CIB1: variants seen among roughly 807,000 people sequenced by gnomAD.
The protein encoded by CIB1 is calcium and integrin-binding protein 1.
A neutral mutation model predicts 25.0 loss-of-function variants in CIB1; 19 were observed. That is an observed-to-expected ratio of 0.76 (90% CI 0.53 to 1.12). The LOEUF is 1.12. Among genes scored for constraint, CIB1 ranks in the 50% most tolerant of loss-of-function variants. CIB1 has a pLI of 0.00. For synonymous variants in CIB1, 104 were observed against 98.5 expected (o/e 1.06, Z -0.33); for missense variants, 236 against 242.6 (o/e 0.97, Z 0.18).
chr15:90,258,812 G>A, the CIB1 span: 6 of 1,614,202 alleles, frequency 3.7e-6, no homozygotes, highest in African/African-American at 8.0e-5. Context: ...ACTTCTCTGT[G>A]ATGCTATGAC....
chr15:90,251,591 A>G, the CIB1 span: 4 of 1,613,924 alleles, frequency 2.5e-6, no homozygotes, highest in Non-Finnish European at 3.4e-6. Flanking sequence ...CAAGTATGAG[A>G]GTGGTAAGCA....
chr15:90,250,440 T>C, the CIB1 span, among the ~76,000 whole-genome samples: 1 of 152,160 alleles, frequency 6.6e-6, no homozygotes, highest in Non-Finnish European at 1.5e-5. Context: ...TCCACCCCCA[T>C]GCACCTCCAC....
chr15:90,254,225 T>C, the CIB1 span, among the ~76,000 whole-genome samples: 1 of 144,506 alleles, frequency 6.9e-6, no homozygotes, highest in East Asian at 2.0e-4. Context: ...CTGGGCACAG[T>C]GGCTCACGCC....
At chr15:90,241,318 G>A in the CIB1 span, 240 of 1,614,156 alleles carry the variant, frequency 1.5e-4, no homozygotes, top group African/African-American at 2.8e-3. Context: ...GTCCTCTTCC[G>A]TTTGCACCGG....
At chr15:90,235,576 CT>C (rs886682381), upstream of CIB1, among the ~76,000 whole-genome samples, 29 of 150,446 alleles carry the variant, frequency 1.9e-4, 1 homozygote, top group African/African-American at 5.4e-4. Context: ...TCATTTTTCT[CT>C]TTTTTTTTGA....
At chr15:90,251,238 C>T in the CIB1 span, among the ~76,000 whole-genome samples, 6 of 149,300 alleles carry the variant, frequency 4.0e-5, no homozygotes, top group Admixed American at 1.4e-4. Context: ...CTCAGCCTCC[C>T]GAGTAGCTGG....
the CIB1 span, chr15:90,258,760 C>A: frequency 6.2e-7 from 1 of 1,614,150 alleles, no homozygotes; most frequent in East Asian, 2.2e-5. Context: ...ACTCTCCAAG[C>A]TTTACCACGG....
At chr15:90,236,404 T>C (rs1962637754), upstream of CIB1, among the ~76,000 whole-genome samples, 1 of 152,246 alleles carries the variant, frequency 6.6e-6, no homozygotes, top group South Asian at 2.1e-4. Flanking sequence ...GTGATCTAGA[T>C]CTCTCAGTCA....
chr15:90,234,449 G>C (rs1962589258), upstream of CIB1: 1 of 152,350 alleles, frequency 6.6e-6, no homozygotes, highest in Non-Finnish European at 1.5e-5. Context: ...GTTATCATCA[G>C]GCAATCGCTG....
chr15:90,234,233 T>G (rs1007440265), upstream of CIB1: 5 of 247,832 alleles, frequency 2.0e-5, no homozygotes, highest in East Asian at 7.3e-5. Flanking sequence ...CGTCATGACC[T>G]CGCTGTGGCC....
the CIB1 span, chr15:90,262,669 G>A: frequency 1.8e-5 from 27 of 1,478,618 alleles, no homozygotes; most frequent in Non-Finnish European, 2.4e-5. Context: ...GGGAGAAAGA[G>A]GTGCCAGGGG....
At chr15:90,237,084 G>A (rs1011677137), upstream of CIB1, among the ~76,000 whole-genome samples, 6 of 150,270 alleles carry the variant, frequency 4.0e-5, no homozygotes, top group South Asian at 2.1e-4. Flanking sequence ...TTAGCCTCCC[G>A]AGTAGCTGAG....
At chr15:90,256,104 C>G in the CIB1 span, 2 of 1,607,610 alleles carry the variant, frequency 1.2e-6, no homozygotes, top group Non-Finnish European at 1.7e-6. Context: ...AGCCTTGATG[C>G]ACAGAAACCT....
rs1226454368 is a variant in CIB1 at position 90,233,604 on chromosome 15, C to A, written c.86+65G>T. The A allele has an allele frequency of 2.0e-6, 3 of 1,538,294 alleles. No homozygotes were observed. The East Asian group carries it at 7.3e-5, about 38-fold the overall frequency. Reference sequence around the variant, plus strand: ...GCCAGCCCCCGCCCCTCCCTCGGGACAGCGCCCCCGAAGCTGTCTCTAGAG... The same window carrying A: ...GCCAGCCCCCGCCCCTCCCTCGGGAAAGCGCCCCCGAAGCTGTCTCTAGAG... On this transcript the variant is annotated intron_variant, in intron 2 of 6. Transcript: ENST00000328649.
At chr15:90,231,937 C>T (rs916139801) in intron 3 of CIB1, among the ~76,000 whole-genome samples, 3 of 152,204 alleles carry the variant, frequency 2.0e-5, no homozygotes, top group Admixed American at 1.3e-4. Context: ...GAACACGGTT[C>T]CTCAAACTCT....
chr15:90,262,392 C>A, the CIB1 span: 2 of 1,305,066 alleles, frequency 1.5e-6, no homozygotes, highest in Non-Finnish European at 2.0e-6. Flanking sequence ...GTCCTAAGAA[C>A]AGATTGTAAT....
chr15:90,264,493 A>C, the CIB1 span, among the ~76,000 whole-genome samples: 1 of 152,202 alleles, frequency 6.6e-6, no homozygotes, highest in Non-Finnish European at 1.5e-5. Flanking sequence ...TCTGTACACT[A>C]GACCCTGGTG....
At chr15:90,239,461 T>G in the CIB1 span, among the ~76,000 whole-genome samples, 1 of 152,064 alleles carries the variant, frequency 6.6e-6, no homozygotes, top group South Asian at 2.1e-4. Flanking sequence ...CTTACAATCA[T>G]GACAGAAGGG....
At chr15:90,261,793 A>G in the CIB1 span, among the ~76,000 whole-genome samples, 12 of 152,194 alleles carry the variant, frequency 7.9e-5, no homozygotes, top group African/African-American at 2.9e-4. Context: ...AAAGAAAAGA[A>G]AAGCAAATCA....
Sources: gnomAD v4.1 joint callset for allele counts (sites outside exome capture counted in the v4.1 genomes callset) on GRCh38, gnomAD v4.1.1 for gene constraint, MANE v1.5 for transcripts, NCBI Gene and HGNC (gene_info 2026-07-23, HGNC 2026-07-21) for gene names.